SHC4: variants seen among roughly 807,000 people sequenced by gnomAD.
The protein encoded by SHC4 is SHC adaptor protein 4, also known as SHC-transforming protein 4.
SHC4 carries 41 observed loss-of-function variants against 69.4 expected under a neutral mutation model. That is an observed-to-expected ratio of 0.59 (90% CI 0.46 to 0.77). SHC4 has a LOEUF of 0.77. Ranked by LOEUF, SHC4 falls within the 30% of genes least tolerant of loss-of-function variation. The pLI is 0.00. For missense variants in SHC4, 777 were observed against 783.8 expected (o/e 0.99, Z 0.10); for synonymous variants, 318 against 299.3 (o/e 1.06, Z -0.64).
intron 6 of SHC4, among the ~76,000 whole-genome samples, chr15:48,859,866 G>C (rs1899407107): frequency 6.6e-6 from 1 of 152,192 alleles, no homozygotes; most frequent in Non-Finnish European, 1.5e-5. Flanking sequence ...GTTGAGCCAT[G>C]AGAAGCTGTG....
chr15:48,877,514 C>G (rs1235607041), intron 4 of SHC4: 1 of 983,998 alleles, frequency 1.0e-6, no homozygotes, highest in Non-Finnish European at 1.2e-6. Flanking sequence ...ATTTTGCTGT[C>G]AATACATAAA....
chr15:48,874,610 G>C (rs8025264), intron 4 of SHC4, among the ~76,000 whole-genome samples: 7,000 of 152,264 alleles, frequency 0.046, 326 homozygotes, highest in East Asian at 0.22. Context: ...TCTAATGCTT[G>C]ATGACCTGAG....
chr15:48,961,281 A>G (rs937826414), intron 1 of SHC4, among the ~76,000 whole-genome samples: 7 of 152,192 alleles, frequency 4.6e-5, no homozygotes, highest in South Asian at 4.1e-4. Flanking sequence ...TCATTTATCA[A>G]TCACAGTATT....
chr15:48,955,668 C>T (rs1901440875), intron 1 of SHC4, among the ~76,000 whole-genome samples: 1 of 152,148 alleles, frequency 6.6e-6, no homozygotes, highest in Non-Finnish European at 1.5e-5. Flanking sequence ...TTCTATGCTC[C>T]CTCTTTTCTT....
At chr15:48,826,701 T>A (rs1459610813) in intron 11 of SHC4, among the ~76,000 whole-genome samples, 1 of 152,174 alleles carries the variant, frequency 6.6e-6, no homozygotes, top group Non-Finnish European at 1.5e-5. Context: ...CTATAACTAT[T>A]TAACTGGTTT....
intron 10 of SHC4, among the ~76,000 whole-genome samples, chr15:48,838,355 T>G (rs1024899906): frequency 6.6e-6 from 1 of 152,232 alleles, no homozygotes; most frequent in African/African-American, 2.4e-5. Context: ...GAGTTACAAC[T>G]AAATTTTAGC....
At chr15:48,909,030 G>C (rs1900460534) in intron 2 of SHC4, among the ~76,000 whole-genome samples, 1 of 152,096 alleles carries the variant, frequency 6.6e-6, no homozygotes, top group South Asian at 2.1e-4. Context: ...TTGCTCTGCT[G>C]GCTCTTTTTT....
chr15:48,860,889 T>C (rs967924931), intron 6 of SHC4, among the ~76,000 whole-genome samples: 2 of 152,230 alleles, frequency 1.3e-5, no homozygotes, highest in Admixed American at 1.3e-4. Context: ...ACAGAAACCC[T>C]ATTCTTCCTC....
intron 2 of SHC4, among the ~76,000 whole-genome samples, chr15:48,891,846 T>C (rs1431169285): frequency 6.6e-6 from 1 of 151,626 alleles, no homozygotes; most frequent in Non-Finnish European, 1.5e-5. Flanking sequence ...ATTTTTGTTT[T>C]GTTTTGTTTT....
chr15:48,836,023 C>CAAAAAAAAAAAAAAA (rs57343981), intron 10 of SHC4, among the ~76,000 whole-genome samples: 3 of 60,106 alleles, frequency 5.0e-5, no homozygotes, highest in African/African-American at 1.5e-4. Context: ...ACAAAAAATC[C>CAAAAAAAAAAAAAAA]AAAAAAAAAA....
At position 48,893,301 on chromosome 15, in the gene SHC4, G is replaced by A. The variant is rs928513839; in HGVS notation, c.657-2490C>T. On this transcript the variant is annotated intron_variant, in intron 2 of 11. Coordinates refer to ENST00000332408, the MANE Select transcript of SHC4 (RefSeq NM_203349.4). ...TTACAGGTACTTTGATATTGCTGGA[G>A]CATAACATATGGTAGTAGAAGAGTG... Among the ~76,000 whole-genome samples, 6 of 152,180 alleles carry A rather than the reference G, an allele frequency of 3.9e-5. 1 individual carries two copies. Among genetic ancestry groups the A allele is most frequent in the African/African-American group, 1.4e-4 (6 of 41,452 alleles).
chr15:48,853,087 T>A (rs1010781332), intron 8 of SHC4, among the ~76,000 whole-genome samples: 1 of 151,924 alleles, frequency 6.6e-6, no homozygotes, highest in Non-Finnish European at 1.5e-5. Flanking sequence ...TAGAAAACAC[T>A]AGACTCTGCC....
At chr15:48,931,165 T>A (rs567469232) in intron 1 of SHC4, among the ~76,000 whole-genome samples, 10 of 152,310 alleles carry the variant, frequency 6.6e-5, no homozygotes, top group East Asian at 1.9e-4. Context: ...TCTTATTTTT[T>A]AAAAACAATG....
At chr15:48,924,791 T>A (rs916334797) in intron 2 of SHC4, 88 bp downstream of exon 2, 1 of 1,378,390 alleles carries the variant, frequency 7.3e-7, no homozygotes, top group South Asian at 1.2e-5. Context: ...CATAATGAAT[T>A]GGAAGGTTTG....
In SHC4 at chr15:48,891,788, C is replaced by T. The variant is rs552125111; in HGVS notation, c.657-977G>A. ...TTCACAATAATATTTTCTATAGTTT[C>T]GATTCCCAAAGGAAGTGGGGAGAGG... On this transcript the variant is annotated intron_variant, in intron 2 of 11. Transcript: ENST00000332408. 7.2e-5 allele frequency among the ~76,000 whole-genome samples: 11 copies of T among 152,234 alleles called. No individual in the cohort carries two copies. In the South Asian group the frequency reaches 8.3e-4, roughly 11 times the overall value.
intron 2 of SHC4, among the ~76,000 whole-genome samples, chr15:48,922,048 A>G (rs1900762538): frequency 6.6e-6 from 1 of 152,222 alleles, no homozygotes; most frequent in Non-Finnish European, 1.5e-5. Context: ...GTAAACATGC[A>G]ATATTTTATA....
chr15:48,878,421 G>C, intron 4 of SHC4: 1 of 1,612,320 alleles, frequency 6.2e-7, no homozygotes, highest in South Asian at 1.1e-5. Context: ...CCCAACGCTG[G>C]GGAGCAGCCA....
chr15:48,864,970 A>G (rs1899530609), intron 6 of SHC4, among the ~76,000 whole-genome samples: 1 of 152,162 alleles, frequency 6.6e-6, no homozygotes, highest in African/African-American at 2.4e-5. Flanking sequence ...CTTTACACGC[A>G]CATTCGCACA....
At chr15:48,862,396 CTA>C (rs1012588379) in intron 6 of SHC4, among the ~76,000 whole-genome samples, 2 of 152,058 alleles carry the variant, frequency 1.3e-5, no homozygotes, top group Non-Finnish European at 2.9e-5. Context: ...TAATCACTAA[CTA>C]AACTCAAAAC....
Sources: allele counts gnomAD v4.1 joint callset (sites outside exome capture counted in the v4.1 genomes callset), GRCh38; gene constraint gnomAD v4.1.1; transcripts MANE v1.5; gene names NCBI Gene and HGNC (gene_info 2026-07-23, HGNC 2026-07-21).